ICA1: variants seen among roughly 807,000 people sequenced by gnomAD.
ICA1 encodes islet cell autoantigen 1.
ICA1 carries 40 observed loss-of-function variants against 71.0 expected under a neutral mutation model. The observed-to-expected ratio is 0.56, with a 90% CI of 0.44 to 0.73. The LOEUF is 0.73. Ranked by LOEUF, ICA1 falls within the 30% of genes least tolerant of loss-of-function variation. ICA1 has a pLI of 0.00. For missense variants in ICA1, 578 were observed against 576.5 expected, an observed-to-expected ratio of 1.00 and a Z score of -0.03; for synonymous variants, 207 against 209.5, an observed-to-expected ratio of 0.99 and a Z score of 0.10.
rs748390113 is a variant in ICA1 at position 8,128,125 on chromosome 7, C to A, written c.1078G>T (p.Ala360Ser). The A allele has an allele frequency of 1.9e-6, 3 of 1,614,064 alleles. No individual in the cohort carries two copies. Among genetic ancestry groups the A allele is most frequent in the Non-Finnish European group, 2.5e-6 (3 of 1,179,952 alleles). ...GCACCTTCAGGTTCCGGGGTCCCTG[C>A]CACTGGTCCCAGGCAAGCTGATTGA... The part of the protein sequence containing the change: ...SEEGACLGPV[A>S]GTPEPEGADK... The change falls in exon 13 of 14, where the codon GCA becomes TCA. Residue 360 changes from alanine (A) to serine (S), a missense_variant. Ala to Ser is a moderately conservative substitution (Grantham distance 99, BLOSUM62 1). Transcript: ENST00000402384.
rs932374399 is a variant in ICA1 at position 8,130,122 on chromosome 7, G to A, written c.1061-1980C>T. ...TCTATCATTGTTGGACATTTGGGTT[G>A]GTTCCAAGTCTTTGCTGCTAGTGCC... On this transcript the variant is annotated intron_variant, in intron 12 of 13. Coordinates refer to ENST00000402384, the MANE Select transcript of ICA1 (RefSeq NM_001136020.3). This position sits in a 1 kb window ranked among gnomAD's most constrained non-coding sequence, Gnocchi z 4.2. Among the ~76,000 whole-genome samples the A allele has an allele frequency of 1.3e-5, 2 of 152,132 alleles. No homozygotes were observed. The highest frequency in any genetic ancestry group is 2.9e-5 in the Non-Finnish European group (2 of 68,030).
rs2128114474 is a variant in ICA1, at chr7:8,138,864, A to G, written c.1036T>C (p.Leu346=). ...TACSGPIDEL[L]DMKSEEGACL... is the part of the protein sequence containing the mutation. ...CCACCTTCCTCAGATTTCATGTCTA[A>G]TAGTTCATCTATGGGTCCTTTAGAG... Residue 346 remains leucine (L), a synonymous_variant, in exon 12 of 14, where the codon TTA becomes CTA. Coordinates refer to ENST00000402384, the MANE Select transcript of ICA1 (RefSeq NM_001136020.3). The G allele has an allele frequency of 6.2e-7, 1 of 1,606,678 alleles. No individual in the cohort carries two copies. Among genetic ancestry groups the G allele is most frequent in the Non-Finnish European group, 8.5e-7 (1 of 1,173,750 alleles).
At chr7:8,236,784 C>G (rs1801974445) in intron 1 of ICA1, 1 of 152,548 alleles carries the variant, frequency 6.6e-6, no homozygotes, top group Non-Finnish European at 1.5e-5. Flanking sequence ...CAGGGCCCAC[C>G]AGCCCAGCCA....
At chr7:8,175,435 T>A (rs1240527012) in intron 6 of ICA1, among the ~76,000 whole-genome samples, 1 of 152,212 alleles carries the variant, frequency 6.6e-6, no homozygotes, top group African/African-American at 2.4e-5. Context: ...GTTTTCCAGC[T>A]ACATCTCTGC....
rs1487517943 is a variant in ICA1, at chr7:8,121,658, TTAGA to T, written c.1330+6211_1330+6214del. On this transcript the variant is annotated intron_variant, in intron 13 of 13. Transcript: ENST00000402384. Reference sequence around the variant, plus strand: ...ATGGTTAGTGGGTACAAAAATATAGTTAGATAGAATAAGTATGATCTAGCATTCG... The same window carrying T: ...ATGGTTAGTGGGTACAAAAATATAGTTAGAATAAGTATGATCTAGCATTCG... Among the ~76,000 whole-genome samples the T allele has an allele frequency of 9.8e-5, 15 of 152,296 alleles. No individual in the cohort carries two copies. The South Asian group carries it at 1.5e-3, about 15-fold the overall frequency.
intron 8 of ICA1, among the ~76,000 whole-genome samples, chr7:8,148,705 C>G (rs1157298297): frequency 6.6e-6 from 1 of 152,036 alleles, no homozygotes; most frequent in African/African-American, 2.4e-5. Flanking sequence ...AGGGACATCA[C>G]CAAGACAGAA....
intron 7 of ICA1, 23 bp downstream of exon 7, chr7:8,158,504 T>G (rs370722122): frequency 2.5e-6 from 4 of 1,612,962 alleles, no homozygotes; most frequent in Non-Finnish European, 3.4e-6. Flanking sequence ...CTTGGTTCAT[T>G]GCAACAAACA....
At chr7:8,176,544 A>G (rs1340677303) in intron 6 of ICA1, among the ~76,000 whole-genome samples, 2 of 152,108 alleles carry the variant, frequency 1.3e-5, no homozygotes, top group Non-Finnish European at 2.9e-5. Flanking sequence ...ACAGCACTCA[A>G]TTTTCTAAGG....
chr7:8,215,637 T>C (rs1795167611), intron 6 of ICA1, among the ~76,000 whole-genome samples: 1 of 152,144 alleles, frequency 6.6e-6, no homozygotes, highest in Non-Finnish European at 1.5e-5. Flanking sequence ...AATGGACAAA[T>C]AAATGAATGA....
At chr7:8,153,121 AG>A (rs1800192617) in intron 8 of ICA1, among the ~76,000 whole-genome samples, 1 of 152,240 alleles carries the variant, frequency 6.6e-6, no homozygotes, top group African/African-American at 2.4e-5. Flanking sequence ...ACCACCATGC[AG>A]AGCCAGACTT....
intron 1 of ICA1, among the ~76,000 whole-genome samples, chr7:8,245,182 C>T (rs114886676): frequency 0.054 from 8,177 of 151,986 alleles, 510 homozygotes; most frequent in African/African-American, 0.15. Flanking sequence ...AATGGTAGAG[C>T]GGATTAAGAA....
intron 12 of ICA1, among the ~76,000 whole-genome samples, chr7:8,134,786 G>C (rs1792778224): frequency 6.6e-6 from 1 of 151,320 alleles, no homozygotes; most frequent in Admixed American, 6.6e-5. Context: ...AAATGATATA[G>C]ATTATAATAA....
chr7:8,168,484 G>C (rs557885076), intron 6 of ICA1, among the ~76,000 whole-genome samples: 1 of 152,104 alleles, frequency 6.6e-6, no homozygotes, highest in Admixed American at 6.6e-5. Context: ...TTAAACCATG[G>C]GACACAGGGT....
At chr7:8,189,806 G>A (rs958690700) in intron 6 of ICA1, among the ~76,000 whole-genome samples, 1 of 152,192 alleles carries the variant, frequency 6.6e-6, no homozygotes, top group Non-Finnish European at 1.5e-5. Flanking sequence ...AGGGGGCCCA[G>A]GCAGCAGCTG....
chr7:8,124,967 T>G (rs1369138371), intron 13 of ICA1, among the ~76,000 whole-genome samples: 1 of 152,048 alleles, frequency 6.6e-6, no homozygotes, highest in Non-Finnish European at 1.5e-5. Context: ...TTTTGTATTT[T>G]TAGTAGAGAC....
intron 6 of ICA1, among the ~76,000 whole-genome samples, chr7:8,190,563 C>A (rs1785264107): frequency 6.6e-6 from 1 of 152,168 alleles, no homozygotes; most frequent in Admixed American, 6.5e-5. Flanking sequence ...GATTCTAACA[C>A]CTCACAGAAA....
At chr7:8,190,311 T>C (rs1381740461) in intron 6 of ICA1, among the ~76,000 whole-genome samples, 2 of 152,130 alleles carry the variant, frequency 1.3e-5, no homozygotes, top group African/African-American at 2.4e-5. Context: ...AGAGGAGACA[T>C]GGCTGTAGTT....
intron 6 of ICA1, among the ~76,000 whole-genome samples, chr7:8,212,699 GC>G (rs1391510820): frequency 6.6e-6 from 1 of 152,224 alleles, no homozygotes; most frequent in African/African-American, 2.4e-5. Flanking sequence ...GTCAGCAAGG[GC>G]GGGGACGGAG....
At position 8,141,816 on chromosome 7, in the gene ICA1, A is replaced by G. The variant is rs760876692; in HGVS notation, c.904T>C (p.Leu302=). 1.9e-6 allele frequency: 3 copies of G among 1,562,118 alleles called. No individual in the cohort carries two copies. Among genetic ancestry groups the G allele is most frequent in the Admixed American group, 1.8e-5 (1 of 57,050 alleles). The change falls in exon 10 of 14, where the codon TTA becomes CTA. Residue 302 remains leucine, a splice_region_variant and synonymous_variant. Transcript: ENST00000402384. The part of the protein sequence containing the change: ...TDAAVQEPSQ[L]ISLEEENQRK... Reference sequence around the variant, plus strand: ...TGGTTTTCTTCCTCTAATGAAATTAATCTTAAAATAAAAAAGAGGTTTAGT... The same window carrying G: ...TGGTTTTCTTCCTCTAATGAAATTAGTCTTAAAATAAAAAAGAGGTTTAGT...
Sources: allele counts gnomAD v4.1 joint callset (sites outside exome capture counted in the v4.1 genomes callset), GRCh38; gene constraint gnomAD v4.1.1; non-coding constraint Gnocchi (gnomAD v3.1); transcripts MANE v1.5; gene names NCBI Gene and HGNC (gene_info 2026-07-23, HGNC 2026-07-21).